Variants in SACS observed in about 807,000 individuals in gnomAD.
SACS encodes sacsin molecular chaperone, also known as sacsin.
Under a neutral mutation model 348.0 loss-of-function variants are expected in SACS, and 197 were observed. The observed-to-expected ratio is 0.57, with a 90% CI of 0.50 to 0.64. The LOEUF is 0.64. Ranked by LOEUF, SACS falls within the 30% of genes least tolerant of loss-of-function variation. The probability of loss-of-function intolerance (pLI) is 0.00; values close to 1 mark genes in which losing one functional copy is unlikely to be tolerated. For missense variants in SACS, 4,999 were observed against 5,360.8 expected (o/e 0.93, Z 2.11); for synonymous variants, 1,985 against 1,910.6 (o/e 1.04, Z -1.02).
rs760559576 is a variant in SACS, at chr13:23,331,880, T to C, written c.11996A>G (p.Gln3999Arg). Residue 3999 changes from glutamine (Q) to arginine (R), a missense_variant, in exon 10 of 10, where the codon CAA becomes CGA. Physicochemically the swap from Gln to Arg is conservative, Grantham distance 43. Around this residue, in one of 6 missense-constraint regions of SACS, gnomAD observed 831 missense variants for 941.8 expected, o/e 0.88. Transcript: ENST00000382292. ...VCQFGALCSL[Q>R]GRLQLLLSSE... ...AGACAAGAGTAACTGCAATCTTCCT[T>C]GAAGAGAACACAACGCTCCAAACTG... 1 of 1,614,054 alleles carries C rather than the reference T, an allele frequency of 6.2e-7. No individual in the cohort carries two copies. Among genetic ancestry groups the C allele is most frequent in the South Asian group, 1.1e-5 (1 of 91,086 alleles).
intron 2 of SACS, among the ~76,000 whole-genome samples, chr13:23,391,615 G>A (rs548319255): frequency 3.3e-5 from 5 of 152,270 alleles, no homozygotes; most frequent in African/African-American, 7.2e-5. Flanking sequence ...CTAGTCCCTC[G>A]GGTCTAGAGG....
Position 23,334,396 on chromosome 13 carries a change from G to A in SACS, c.9480C>T (p.Asp3160=). 6.2e-7 allele frequency: 1 copy of A among 1,613,302 alleles called. No individual in the cohort carries two copies. The highest frequency in any genetic ancestry group is 1.1e-5 in the South Asian group (1 of 91,050). ...VEGLPLLITL[D]SVLQTFDAKR... ...TTGCATCAAAAGTTTGCAAAACACT[G>A]TCCAGTGTGATGAGAAGGGGCAATC... The change falls in exon 10 of 10, where the codon GAC becomes GAT. Residue 3160 remains aspartate (D), a synonymous_variant. Transcript: ENST00000382292.
At chr13:23,413,526 A>G (rs1486677109) in intron 1 of SACS, among the ~76,000 whole-genome samples, 1 of 152,160 alleles carries the variant, frequency 6.6e-6, no homozygotes, top group Non-Finnish European at 1.5e-5. Context: ...CCAGCTCCGG[A>G]CTTCTTATTC....
chr13:23,332,426 T>C lies in SACS; in HGVS notation c.11450A>G (p.Tyr3817Cys). The C allele has an allele frequency of 6.2e-7, 1 of 1,614,032 alleles. No homozygotes were observed. The highest frequency in any genetic ancestry group is 1.1e-5 in the South Asian group (1 of 91,082). Reference sequence around the variant, plus strand: ...CAAATAAGGTTTAAAATCAGATTCATATTCTAGGTTTATGACTACCTCCTC... The same window carrying C: ...CAAATAAGGTTTAAAATCAGATTCACATTCTAGGTTTATGACTACCTCCTC... ...KPEEVVINLE[Y>C]ESDFKPYLYK... Residue 3817 changes from tyrosine to cysteine, a missense_variant, in exon 10 of 10, where the codon TAT (tyrosine) becomes TGT (cysteine). Physicochemically the swap from Tyr to Cys is radical, Grantham distance 194 (BLOSUM62 -2). Coordinates refer to ENST00000382292, the MANE Select transcript of SACS (RefSeq NM_014363.6).
intron 9 of SACS, among the ~76,000 whole-genome samples, chr13:23,351,758 A>G (rs1459349141): frequency 6.6e-6 from 1 of 152,200 alleles, no homozygotes; most frequent in Non-Finnish European, 1.5e-5. Context: ...AAAAGTGACC[A>G]TCAAGACAAT....
At chr13:23,403,796 G>A (rs1054178623) in intron 2 of SACS, among the ~76,000 whole-genome samples, 1 of 152,082 alleles carries the variant, frequency 6.6e-6, no homozygotes, top group Admixed American at 6.5e-5. Flanking sequence ...GTTTTTGAAT[G>A]TGTTTGCTCT....
At chr13:23,371,654 G>A (rs1871398424) in intron 3 of SACS, among the ~76,000 whole-genome samples, 1 of 152,182 alleles carries the variant, frequency 6.6e-6, no homozygotes, top group African/African-American at 2.4e-5. Context: ...ACAACTGAAT[G>A]TAAACAGCAT....
chr13:23,383,876 T>C (rs971716418), intron 2 of SACS, among the ~76,000 whole-genome samples: 2 of 152,126 alleles, frequency 1.3e-5, no homozygotes, highest in South Asian at 4.1e-4. Context: ...CCATATCCCT[T>C]GTTCACACCA....
Position 23,376,358 on chromosome 13 carries a change from T to C in SACS, c.21-1089A>G, listed in dbSNP as rs536912184. Among the ~76,000 whole-genome samples the C allele has an allele frequency of 8.5e-5, 13 of 152,150 alleles. No homozygotes were observed. In the South Asian group the frequency reaches 2.3e-3, roughly 27 times the overall value. The stretch of plus-strand genomic sequence containing the variant: ...AACCTCAGGCTGTTCCTTTGGCTTA[T>C]TTCTCTTAGGTATATATGATACACA... On this transcript the variant is annotated intron_variant, in intron 2 of 9. Coordinates refer to ENST00000382292, the MANE Select transcript of SACS (RefSeq NM_014363.6).
rs2137566654 is a variant in SACS at position 23,332,449 on chromosome 13, C to T, written c.11427G>A (p.Glu3809=). The change falls in exon 10 of 10, where the codon GAG becomes GAA. Residue 3809 remains glutamate (E), a synonymous_variant. Transcript: ENST00000382292. ...VEDGWKLLKP[E]EVVINLEYES... ...CATATTCTAGGTTTATGACTACCTCCTCAGGCTTCAGAAGTTTCCAACCAT... is the reference window on the plus strand; with the variant it reads ...CATATTCTAGGTTTATGACTACCTCTTCAGGCTTCAGAAGTTTCCAACCAT... 6.2e-7 allele frequency: 1 copy of T among 1,613,988 alleles called. No individual in the cohort carries two copies. The highest frequency in any genetic ancestry group is 8.5e-7 in the Non-Finnish European group (1 of 1,179,926).
intron 9 of SACS, among the ~76,000 whole-genome samples, chr13:23,352,250 A>G (rs1280808683): frequency 1.3e-5 from 2 of 152,238 alleles, no homozygotes; most frequent in African/African-American, 4.8e-5. Flanking sequence ...CACACAGTAA[A>G]ATACCGTAAC....
intron 5 of SACS, among the ~76,000 whole-genome samples, chr13:23,366,817 ATT>A (rs1185543558): frequency 6.6e-6 from 1 of 152,214 alleles, no homozygotes; most frequent in Non-Finnish European, 1.5e-5. Context: ...TACATTTTGT[ATT>A]TGGTCTTGGG....
At chr13:23,386,419 A>G (rs1043240912) in intron 2 of SACS, among the ~76,000 whole-genome samples, 26 of 152,356 alleles carry the variant, frequency 1.7e-4, no homozygotes, top group African/African-American at 6.3e-4. Context: ...AACCTCTGGT[A>G]GCTTCAAATT....
intron 6 of SACS, among the ~76,000 whole-genome samples, chr13:23,360,477 G>A (rs568579163): frequency 4.0e-5 from 6 of 150,778 alleles, no homozygotes; most frequent in East Asian, 2.0e-4. Context: ...GAAAGAACTC[G>A]AATAACTACA....
intron 1 of SACS, among the ~76,000 whole-genome samples, chr13:23,420,665 G>A (rs1873896903): frequency 6.6e-6 from 1 of 151,996 alleles, no homozygotes; most frequent in African/African-American, 2.4e-5. Context: ...CTTGGTGTCA[G>A]TCGGGAACTG....
intron 9 of SACS, 73 bp from the exon 10 acceptor site, chr13:23,341,763 C>T (rs1468763449): frequency 1.5e-5 from 13 of 850,598 alleles, no homozygotes; most frequent in Non-Finnish European, 2.5e-5. Flanking sequence ...TCACAAATAA[C>T]ACAGTACTGG....
At chr13:23,387,318 C>A (rs2137885049) in intron 2 of SACS, among the ~76,000 whole-genome samples, 1 of 152,102 alleles carries the variant, frequency 6.6e-6, no homozygotes, top group African/African-American at 2.4e-5. Context: ...AAAAATTAGC[C>A]GGGCATGGCG....
intron 1 of SACS, among the ~76,000 whole-genome samples, chr13:23,412,261 CA>C (rs577984168): frequency 2.6e-5 from 4 of 151,730 alleles, no homozygotes; most frequent in Admixed American, 2.6e-4. Context: ...GATTCTGTCT[CA>C]AAAAAAATAA....
Position 23,330,695 on chromosome 13 carries a change from A to T in SACS, c.13181T>A (p.Phe4394Tyr). 6.2e-7 allele frequency: 1 copy of T among 1,614,142 alleles called. No individual in the cohort carries two copies. Among genetic ancestry groups the T allele is most frequent in the East Asian group, 2.2e-5 (1 of 44,890 alleles). Residue 4394 changes from phenylalanine (F) to tyrosine (Y), a missense_variant, in exon 10 of 10, where the codon TTT becomes TAT. Phe to Tyr is a conservative substitution (Grantham distance 22). Transcript: ENST00000382292. ...ASRFQSDKYS[F>Y]QRFYTSWNQE... is the part of the protein sequence containing the mutation. ...ATTCCATGAAGTATAGAATCTCTGAAATGAGTATTTGTCTGACTGAAATCG... is the reference window on the plus strand; with the variant it reads ...ATTCCATGAAGTATAGAATCTCTGATATGAGTATTTGTCTGACTGAAATCG...
Sources: allele counts gnomAD v4.1 joint callset (sites outside exome capture counted in the v4.1 genomes callset), GRCh38; gene constraint gnomAD v4.1.1; regional missense constraint gnomAD v4.1.1; transcripts MANE v1.5; gene names NCBI Gene and HGNC (gene_info 2026-07-23, HGNC 2026-07-21).